UBALD1: variants seen among roughly 807,000 people sequenced by gnomAD.
UBALD1 encodes the protein UBA-like domain-containing protein 1.
In UBALD1, 5 loss-of-function variants were observed where a neutral mutation model predicts 16.1. That is an observed-to-expected ratio of 0.31 (90% CI 0.16 to 0.66). UBALD1 has a LOEUF of 0.66. Ranked by LOEUF, UBALD1 falls within the 30% of genes least tolerant of loss-of-function variation. UBALD1 has a pLI of 0.77. For missense variants in UBALD1, 220 were observed against 252.8 expected, an observed-to-expected ratio of 0.87 and a Z score of 0.88; for synonymous variants, 146 against 105.3, an observed-to-expected ratio of 1.39 and a Z score of -2.37.
At chr16:4,610,111 G>A in intron 2 of UBALD1, 128 bp from the exon 3 acceptor site, 4 of 819,284 alleles carry the variant, frequency 4.9e-6, no homozygotes, top group Non-Finnish European at 8.2e-6. Flanking sequence ...AGATCCCCAA[G>A]CCTGTCCGCC....
rs1160194089 is a variant in UBALD1 at position 4,609,346 on chromosome 16, T to C, written c.*287A>G. The C allele has an allele frequency of 3.1e-6, 1 of 320,968 alleles. No homozygotes were observed. The highest frequency in any genetic ancestry group is 5.7e-6 in the Non-Finnish European group (1 of 176,594). 19.9% of individuals were successfully genotyped at this position (320,968 alleles called of 1,614,324 possible). ...GCACCCCTGGGCTGGGCTGGGCAGG[T>C]GCGTCTTCGAAGGAAGGCTGCGTGG... On this transcript the variant is annotated 3_prime_UTR_variant, in exon 3 of 3. Transcript: ENST00000283474.
chr16:4,611,575 T>C (rs1897358446), intron 1 of UBALD1: 1 of 152,492 alleles, frequency 6.6e-6, no homozygotes, highest in Admixed American at 6.5e-5. Flanking sequence ...GAAATGAAGG[T>C]AGGAAGTGAC....
chr16:4,613,800 G>A (rs1344993144), intron 1 of UBALD1, among the ~76,000 whole-genome samples: 2 of 152,148 alleles, frequency 1.3e-5, no homozygotes, highest in Non-Finnish European at 2.9e-5. Flanking sequence ...GGAGAGGCCC[G>A]GGGGAGTGGG....
At chr16:4,610,811 G>A in intron 1 of UBALD1, 1 of 513,812 alleles carries the variant, frequency 1.9e-6, no homozygotes, top group Non-Finnish European at 3.5e-6. Context: ...CTGCCTCAGT[G>A]CCTAAGGCCT....
At chr16:4,614,379 C>T in intron 1 of UBALD1, 3 of 373,588 alleles carry the variant, frequency 8.0e-6, no homozygotes, top group Non-Finnish European at 1.4e-5. Flanking sequence ...GCGGGGCCGC[C>T]CGGCCCTCGG....
chr16:4,610,511 G>A lies in UBALD1; in HGVS notation c.165C>T (p.Ser55=). 1.2e-6 allele frequency: 2 copies of A among 1,610,780 alleles called. No homozygotes were observed. Among genetic ancestry groups the A allele is most frequent in the South Asian group, 2.2e-5 (2 of 90,576 alleles). Residue 55 remains serine, a synonymous_variant, in exon 2 of 3, where the codon AGC becomes AGT. Transcript: ENST00000283474. ...AFFQETNIPY[S]HHHHQMMCTP... is the part of the protein sequence containing the mutation. ...CACTTACCATCTGGTGGTGATGGTG[G>A]CTGTAGGGGATGTTGGTCTCCTGGA...
intron 1 of UBALD1, 53 bp from the exon 2 acceptor site, chr16:4,610,608 C>T (rs551673363): frequency 3.2e-6 from 5 of 1,573,134 alleles, no homozygotes; most frequent in East Asian, 4.6e-5. Context: ...GGCCCTGCCG[C>T]TGCCCTTGTT....
chr16:4,612,870 A>T (rs908189944), intron 1 of UBALD1, among the ~76,000 whole-genome samples: 1 of 152,024 alleles, frequency 6.6e-6, no homozygotes, highest in South Asian at 2.1e-4. Context: ...AGTGGAGGGC[A>T]CAGGGCTCCT....
At chr16:4,612,250 G>C (rs1470286325) in intron 1 of UBALD1, among the ~76,000 whole-genome samples, 1 of 152,036 alleles carries the variant, frequency 6.6e-6, no homozygotes, top group Non-Finnish European at 1.5e-5. Flanking sequence ...TTTTAGTAGA[G>C]ATGGGGTTTC....
intron 1 of UBALD1, among the ~76,000 whole-genome samples, chr16:4,612,619 C>G (rs931092431): frequency 1.3e-5 from 2 of 152,144 alleles, no homozygotes; most frequent in African/African-American, 2.4e-5. Context: ...TGAGAAACAT[C>G]TGCCCCACTA....
intron 2 of UBALD1, 71 bp downstream of exon 2, chr16:4,610,422 G>T (rs1468439127): frequency 6.7e-7 from 1 of 1,503,304 alleles, no homozygotes; most frequent in South Asian, 1.3e-5. Flanking sequence ...GGGGCCAGGG[G>T]CTGCTTATAC....
At position 4,613,758 on chromosome 16, in the gene UBALD1, A is replaced by G. The variant is rs939909611; in HGVS notation, c.120+920T>C. 2.0e-5 allele frequency among the ~76,000 whole-genome samples: 3 copies of G among 152,176 alleles called. No individual in the cohort carries two copies. The East Asian group carries it at 5.8e-4, about 29-fold the overall frequency. ...GAAAGCCAGGTAGCCTCTGGGCAGC[A>G]CAAGCCAGGAGCACTACTGTCCTAT... On this transcript the variant is annotated intron_variant, in intron 1 of 2. Coordinates refer to ENST00000283474, the MANE Select transcript of UBALD1 (RefSeq NM_145253.3).
At position 4,609,589 on chromosome 16, in the gene UBALD1, C is replaced by G. The variant is rs758308812; in HGVS notation, c.*44G>C. 6 of 902,264 alleles carry G rather than the reference C, an allele frequency of 6.6e-6. No individual in the cohort carries two copies. In the East Asian group the frequency reaches 1.7e-4, roughly 26 times the overall value. 55.9% of individuals were successfully genotyped at this position (902,264 alleles called of 1,614,324 possible). ...GGGCCCGCAGAGACGTCCTCTCCCC[C>G]GCCCCACGGGGTCCTGGCCTCCGGG... On this transcript the variant is annotated 3_prime_UTR_variant, in exon 3 of 3. Transcript: ENST00000283474.
Position 4,614,847 on chromosome 16 carries a change from G to C in UBALD1, c.-50C>G. ...GCCTCCCTCCTCCGCCCGCGCCTCC[G>C]CCTCACGCGTCCACCATTAGCGAGC... is the stretch of plus-strand genomic sequence containing the variant. On this transcript the variant is annotated 5_prime_UTR_variant, in exon 1 of 3. Transcript: ENST00000283474. 1 of 1,439,202 alleles carries C rather than the reference G, an allele frequency of 6.9e-7. No homozygotes were observed. Among genetic ancestry groups the C allele is most frequent in the Non-Finnish European group, 9.2e-7 (1 of 1,092,074 alleles). 89.2% of individuals were successfully genotyped at this position (1,439,202 alleles called of 1,614,324 possible).
chr16:4,614,887 A>G lies in UBALD1; in HGVS notation c.-90T>C. The G allele has an allele frequency of 7.8e-7, 1 of 1,275,984 alleles. No homozygotes were observed. The highest frequency in any genetic ancestry group is 3.1e-5 in the East Asian group (1 of 32,588). The allele number at this position is 1,275,984 out of a possible 1,614,324, so 79.0% of individuals were successfully genotyped here. ...CATTAGCGAGCCGGCTCCGGCTAATACAAATATTTACTGTGCGGCTCTGAC... is the reference window on the plus strand; with the variant it reads ...CATTAGCGAGCCGGCTCCGGCTAATGCAAATATTTACTGTGCGGCTCTGAC... On this transcript the variant is annotated 5_prime_UTR_variant, in exon 1 of 3. Coordinates refer to ENST00000283474, the MANE Select transcript of UBALD1 (RefSeq NM_145253.3).
intron 1 of UBALD1, chr16:4,614,183 C>A (rs1897392817): frequency 3.9e-6 from 1 of 259,690 alleles, no homozygotes; most frequent in South Asian, 1.7e-4. Context: ...CGGTGCCCGG[C>A]CGACGCCGTG....
chr16:4,612,797 C>T (rs1897374220), intron 1 of UBALD1, among the ~76,000 whole-genome samples: 1 of 152,106 alleles, frequency 6.6e-6, no homozygotes, highest in African/African-American at 2.4e-5. Context: ...CCTGAAGTCC[C>T]GTCACCTTCC....
rs1897330182 is a variant in UBALD1, at chr16:4,609,523, G to C, written c.*110C>G. ...TAGAGTCCGCGCTCTCCCCTCCAGG[G>C]CTCCGGGGAACAAGGGGTGCAGACA... On this transcript the variant is annotated 3_prime_UTR_variant, in exon 3 of 3. Coordinates refer to ENST00000283474, the MANE Select transcript of UBALD1 (RefSeq NM_145253.3). 2.1e-6 allele frequency: 1 copy of C among 482,648 alleles called. No homozygotes were observed. Among genetic ancestry groups the C allele is most frequent in the Admixed American group, 4.0e-5 (1 of 25,124 alleles). 29.9% of individuals were successfully genotyped at this position (482,648 alleles called of 1,614,324 possible).
At chr16:4,611,002 C>T in intron 1 of UBALD1, 1 of 344,690 alleles carries the variant, frequency 2.9e-6, no homozygotes, top group African/African-American at 2.1e-5. Context: ...CAAGTCTCTA[C>T]TCTTCTCTAA....
Sources: allele counts gnomAD v4.1 joint callset (sites outside exome capture counted in the v4.1 genomes callset), GRCh38; gene constraint gnomAD v4.1.1; transcripts MANE v1.5; gene names NCBI Gene and HGNC (gene_info 2026-07-23, HGNC 2026-07-21).